Variants in MOXD1 observed in about 807,000 individuals in gnomAD.
MOXD1 encodes monooxygenase DBH like 1, also known as DBH-like monooxygenase protein 1.
A neutral mutation model predicts 66.6 loss-of-function variants in MOXD1; 62 were observed. The ratio of observed to expected loss-of-function variants is 0.93; its 90% confidence interval spans 0.76 to 1.15. The LOEUF is 1.15. Among genes scored for constraint, MOXD1 ranks in the 50% most tolerant of loss-of-function variants. MOXD1 has a pLI of 0.00. For synonymous variants in MOXD1, 303 were observed against 281.9 expected (o/e 1.07, Z -0.75); for missense variants, 847 against 754.6 (o/e 1.12, Z -1.44).
chr6:132,330,250 C>T (rs962400744), intron 4 of MOXD1, among the ~76,000 whole-genome samples: 5 of 152,164 alleles, frequency 3.3e-5, no homozygotes, highest in African/African-American at 9.7e-5. Context: ...AGCAAAGCTT[C>T]ATCTGTATTT....
chr6:132,336,651 A>C (rs1775445264), intron 4 of MOXD1, among the ~76,000 whole-genome samples: 1 of 152,166 alleles, frequency 6.6e-6, no homozygotes, highest in Admixed American at 6.5e-5. Context: ...TGTGGTGTCA[A>C]GGGGCCACAG....
At chr6:132,337,299 T>C (rs549465656) in intron 4 of MOXD1, among the ~76,000 whole-genome samples, 9 of 152,386 alleles carry the variant, frequency 5.9e-5, no homozygotes, top group African/African-American at 2.2e-4. Context: ...TTAATATGTA[T>C]GTGCAATCAT....
At chr6:132,381,240 C>A (rs772776448) in intron 1 of MOXD1, among the ~76,000 whole-genome samples, 56 of 152,064 alleles carry the variant, frequency 3.7e-4, no homozygotes, top group South Asian at 2.1e-4. Context: ...AACACAAGAA[C>A]CTATCATCTG....
rs78930205 is a variant in MOXD1, at chr6:132,321,200, G to C, written c.1306-512C>G. Among the ~76,000 whole-genome samples, 3,685 of 151,790 alleles carry C rather than the reference G, an allele frequency of 0.024. 339 individuals are homozygous for C. The East Asian group carries it at 0.33, about 14-fold the overall frequency. On this transcript the variant is annotated intron_variant, in intron 8 of 11. Transcript: ENST00000367963. ...AATTGCTTGAACCCAGGAGGTGGAG[G>C]TTGCAGTGAGCCGAGATCGCACCAC...
At chr6:132,387,770 A>AT (rs1002081803) in intron 1 of MOXD1, among the ~76,000 whole-genome samples, 1 of 150,318 alleles carries the variant, frequency 6.7e-6, no homozygotes, top group Non-Finnish European at 1.5e-5. Context: ...AAAAAAAAAA[A>AT]AAAAAGAGTT....
intron 4 of MOXD1, among the ~76,000 whole-genome samples, chr6:132,347,443 G>A (rs1245396362): frequency 2.0e-5 from 3 of 152,132 alleles, no homozygotes; most frequent in East Asian, 1.9e-4. Context: ...TTGGGAGGCC[G>A]AGGCAGACAG....
At chr6:132,297,551 AT>A (rs1197459417) in intron 11 of MOXD1, among the ~76,000 whole-genome samples, 1 of 152,148 alleles carries the variant, frequency 6.6e-6, no homozygotes, top group Non-Finnish European at 1.5e-5. Flanking sequence ...TGCAGCACTC[AT>A]TCCGGCCTGT....
chr6:132,387,255 A>G (rs901537729), intron 1 of MOXD1, among the ~76,000 whole-genome samples: 12 of 151,498 alleles, frequency 7.9e-5, no homozygotes, highest in African/African-American at 2.9e-4. Flanking sequence ...CTAATACAAT[A>G]TAGCTAATAC....
At chr6:132,327,925 G>C in intron 6 of MOXD1, 88 bp downstream of exon 6, 1 of 967,096 alleles carries the variant, frequency 1.0e-6, no homozygotes. Flanking sequence ...AACACTGGCT[G>C]CTATTTTGTT....
chr6:132,299,020 C>T (rs553511972), intron 10 of MOXD1, among the ~76,000 whole-genome samples: 1 of 152,238 alleles, frequency 6.6e-6, no homozygotes, highest in East Asian at 1.9e-4. Flanking sequence ...ATGGAATCAA[C>T]CAAGGTGTCC....
chr6:132,359,766 G>T (rs1231422874), intron 4 of MOXD1, among the ~76,000 whole-genome samples: 1 of 152,144 alleles, frequency 6.6e-6, no homozygotes, highest in Non-Finnish European at 1.5e-5. Context: ...GATTACAGGC[G>T]TGAGCCACCG....
At chr6:132,308,744 A>T (rs1381477059) in intron 10 of MOXD1, among the ~76,000 whole-genome samples, 1 of 152,232 alleles carries the variant, frequency 6.6e-6, no homozygotes, top group African/African-American at 2.4e-5. Context: ...ATAATCCATC[A>T]CATAAACAGA....
At chr6:132,341,489 C>A (rs1775561956) in intron 4 of MOXD1, among the ~76,000 whole-genome samples, 2 of 152,204 alleles carry the variant, frequency 1.3e-5, no homozygotes, top group South Asian at 4.1e-4. Context: ...AGCAGATGAT[C>A]TTCCCAAATC....
rs564251403 is a variant in MOXD1 at position 132,330,454 on chromosome 6, C to T, written c.664-1860G>A. Among the ~76,000 whole-genome samples the T allele has an allele frequency of 7.0e-4, 106 of 152,252 alleles. 1 individual carries two copies. The Middle Eastern group carries it at 0.02, about 29-fold the overall frequency. ...AGGTGGAACAGTTTCATCTCAAAAC[C>T]ATCTCCCCCATCCTCCAGTCCGTGG... is the stretch of plus-strand genomic sequence containing the variant. On this transcript the variant is annotated intron_variant, in intron 4 of 11. Transcript: ENST00000367963.
At chr6:132,338,483 G>T (rs1478878531) in intron 4 of MOXD1, among the ~76,000 whole-genome samples, 2 of 152,224 alleles carry the variant, frequency 1.3e-5, no homozygotes, top group Non-Finnish European at 2.9e-5. Context: ...CAGCAACCTT[G>T]CCCAGATGGG....
intron 4 of MOXD1, among the ~76,000 whole-genome samples, chr6:132,345,822 T>G (rs1775657887): frequency 6.6e-6 from 1 of 152,184 alleles, no homozygotes; most frequent in African/African-American, 2.4e-5. Context: ...GTCTTTTTTT[T>G]TTCTTTAACC....
chr6:132,345,292 G>T (rs1775648341), intron 4 of MOXD1, among the ~76,000 whole-genome samples: 1 of 152,104 alleles, frequency 6.6e-6, no homozygotes, highest in Non-Finnish European at 1.5e-5. Flanking sequence ...GTGTTTTTGA[G>T]AATTTCTGTG....
chr6:132,399,855 T>C lies in MOXD1; in HGVS notation c.264+1308A>G, dbSNP rs984574284. Among the ~76,000 whole-genome samples, 52 of 152,316 alleles carry C rather than the reference T, an allele frequency of 3.4e-4. 1 individual carries two copies. Among genetic ancestry groups the C allele is most frequent in the Middle Eastern group, 6.8e-3 (2 of 294 alleles). On this transcript the variant is annotated intron_variant, in intron 1 of 11. Coordinates refer to ENST00000367963, the MANE Select transcript of MOXD1 (RefSeq NM_015529.4). ...ACAGGAGAATGAGTCATTCCCCTAG[T>C]GAGGCCTGCATTTGTGGTCAAATAC...
At chr6:132,342,137 G>A (rs1775576456) in intron 4 of MOXD1, among the ~76,000 whole-genome samples, 1 of 152,040 alleles carries the variant, frequency 6.6e-6, no homozygotes. Flanking sequence ...CAAGTAGCTG[G>A]GATTAGAGGC....
Sources: allele counts gnomAD v4.1 joint callset (sites outside exome capture counted in the v4.1 genomes callset), GRCh38; gene constraint gnomAD v4.1.1; transcripts MANE v1.5; gene names NCBI Gene and HGNC (gene_info 2026-07-23, HGNC 2026-07-21).